SELENOK: variants seen among roughly 807,000 people sequenced by gnomAD.
SELENOK encodes the protein selenoprotein K.
Under a neutral mutation model 17.3 loss-of-function variants are expected in SELENOK, and 11 were observed. The ratio of observed to expected loss-of-function variants is 0.63; its 90% CI spans 0.40 to 1.05. The LOEUF (loss-of-function observed/expected upper bound fraction) is 1.05, where lower values mean the gene tolerates loss of function less well. SELENOK is among the 50% of genes least tolerant of loss of function. The probability of loss-of-function intolerance (pLI) is 0.00; values close to 1 mark genes in which losing one functional copy is unlikely to be tolerated. For synonymous variants in SELENOK, 45 were observed against 35.4 expected, an observed-to-expected ratio of 1.27 and a Z score of -0.97; for missense variants, 125 against 113.9, an observed-to-expected ratio of 1.10 and a Z score of -0.44.
chr3:53,885,543 T>G lies in SELENOK; in HGVS notation c.*15A>C. On this transcript the variant is annotated 3_prime_UTR_variant, in exon 5 of 5. Coordinates refer to ENST00000495461, the MANE Select transcript of SELENOK (RefSeq NM_021237.5). ...GAATGCGCATGTCCGGTTGTCTGCT[T>G]CTTAGAGCAGACATTTACCTGAAAG... The G allele has an allele frequency of 6.2e-7, 1 of 1,608,932 alleles. No homozygotes were observed. The highest frequency in any genetic ancestry group is 8.5e-7 in the Non-Finnish European group (1 of 1,178,004).
Position 53,885,393 on chromosome 3 carries a change from G to C in SELENOK, c.*165C>G. On this transcript the variant is annotated 3_prime_UTR_variant, in exon 5 of 5. Coordinates refer to ENST00000495461, the MANE Select transcript of SELENOK (RefSeq NM_021237.5). ...ATGTCAGTCAGGCCAGTTCCCTGCA[G>C]AGGGAATTCCCAGCATGACCTCATT... The C allele has an allele frequency of 1.5e-6, 1 of 658,408 alleles. No homozygotes were observed. Among genetic ancestry groups the C allele is most frequent in the Non-Finnish European group, 2.6e-6 (1 of 381,910 alleles). The allele number at this position is 658,408 out of a possible 1,614,324, so 40.8% of individuals were successfully genotyped here.
In SELENOK at chr3:53,885,834, T is replaced by C. The variant is rs1033480454; in HGVS notation, c.273A>G (p.Gly91=). The C allele has an allele frequency of 4.4e-6, 7 of 1,585,860 alleles. No individual in the cohort carries two copies. Among genetic ancestry groups the C allele is most frequent in the Non-Finnish European group, 6.0e-6 (7 of 1,164,760 alleles). ...TTCAGATCTGAAGTTACCTTCCTCA[T>C]CCACCAGCCATTGGAGGGGGACTAG... The part of the protein sequence containing the change: ...RGPSPPPMAG[G]UGR The change falls in exon 4 of 5, where the codon GGA becomes GGG. Residue 91 remains glycine (G), a synonymous_variant. Coordinates refer to ENST00000495461, the MANE Select transcript of SELENOK (RefSeq NM_021237.5).
chr3:53,888,508 T>G (rs756465009), intron 1 of SELENOK, 25 bp from the exon 2 acceptor site: 1 of 1,494,596 alleles, frequency 6.7e-7, no homozygotes, highest in South Asian at 1.1e-5. Context: ...TAAAGAAACT[T>G]TAGTGAGTGC....
intron 1 of SELENOK, among the ~76,000 whole-genome samples, chr3:53,889,568 A>C (rs781410881): frequency 6.6e-6 from 1 of 152,228 alleles, no homozygotes; most frequent in Non-Finnish European, 1.5e-5. Context: ...TGCTGCTATC[A>C]ACATGGGTGT....
intron 1 of SELENOK, 108 bp downstream of exon 1, chr3:53,891,662 G>A: frequency 6.9e-7 from 1 of 1,452,868 alleles, no homozygotes; most frequent in Non-Finnish European, 9.6e-7. Context: ...GGGGCGCTAA[G>A]CCCGGGGAAG....
At chr3:53,886,381 C>T (rs764823486) in intron 3 of SELENOK, among the ~76,000 whole-genome samples, 8 of 152,096 alleles carry the variant, frequency 5.3e-5, no homozygotes, top group South Asian at 2.1e-4. Context: ...GGACTACAGG[C>T]GCATACCACC....
intron 3 of SELENOK, 99 bp from the exon 4 acceptor site, chr3:53,886,011 C>G: frequency 1.3e-6 from 1 of 765,678 alleles, no homozygotes; most frequent in Non-Finnish European, 2.0e-6. Flanking sequence ...TTTCAGCACC[C>G]ACATGACCCT....
At chr3:53,891,188 G>C (rs1293663339) in intron 1 of SELENOK, 1 of 152,430 alleles carries the variant, frequency 6.6e-6, no homozygotes, top group Non-Finnish European at 1.5e-5. Flanking sequence ...TCCTAGGTCG[G>C]CTCGGTCTTT....
At chr3:53,890,465 A>G (rs1700159454) in intron 1 of SELENOK, among the ~76,000 whole-genome samples, 1 of 152,200 alleles carries the variant, frequency 6.6e-6, no homozygotes, top group Non-Finnish European at 1.5e-5. Flanking sequence ...GAGAGAAGTA[A>G]GGTGTTTGAA....
rs1052295684 is a variant in SELENOK, at chr3:53,884,569, G to C, written c.*989C>G. 1.3e-5 allele frequency: 2 copies of C among 152,230 alleles called. No homozygotes were observed. The highest frequency in any genetic ancestry group is 2.9e-5 in the Non-Finnish European group (2 of 68,050). 9.4% of individuals were successfully genotyped at this position (152,230 alleles called of 1,614,324 possible). ...AGAATGTGAAAGTTATCAGTATTCA[G>C]ATGGAGTTTAAAGCCAATAGGCAGT... On this transcript the variant is annotated 3_prime_UTR_variant, in exon 5 of 5. Coordinates refer to ENST00000495461, the MANE Select transcript of SELENOK (RefSeq NM_021237.5).
At chr3:53,888,679 T>G (rs1364531814) in intron 1 of SELENOK, among the ~76,000 whole-genome samples, 196 bp from the exon 2 acceptor site, 1 of 152,232 alleles carries the variant, frequency 6.6e-6, no homozygotes, top group Non-Finnish European at 1.5e-5. Context: ...TCTAGGGACA[T>G]TCCTCCAGTA....
intron 2 of SELENOK, among the ~76,000 whole-genome samples, chr3:53,887,259 C>A (rs1232688058): frequency 6.6e-6 from 1 of 152,188 alleles, no homozygotes; most frequent in East Asian, 1.9e-4. Flanking sequence ...GCTCATTTCC[C>A]CTGCAAAAGT....
intron 2 of SELENOK, 108 bp downstream of exon 2, chr3:53,888,285 A>T (rs953117404): frequency 1.4e-6 from 1 of 732,068 alleles, no homozygotes; most frequent in African/African-American, 1.8e-5. Flanking sequence ...ATTGCAATAG[A>T]AAACTGTTTC....
intron 3 of SELENOK, 109 bp from the exon 4 acceptor site, chr3:53,886,021 TA>T (rs1700123294): frequency 1.4e-6 from 1 of 694,306 alleles, no homozygotes; most frequent in Non-Finnish European, 2.3e-6. Flanking sequence ...CACATGACCC[TA>T]AAACACAATT....
intron 3 of SELENOK, 34 bp from the exon 4 acceptor site, chr3:53,885,946 A>G (rs1426547382): frequency 7.3e-7 from 1 of 1,367,706 alleles, no homozygotes; most frequent in African/African-American, 1.5e-5. Context: ...CTACTGTTTG[A>G]TAGACACAAC....
Position 53,888,425 on chromosome 3 carries a change from G to C in SELENOK, c.78C>G (p.Phe26Leu), listed in dbSNP as rs1335118450. The change falls in exon 2 of 5, where the codon TTC (phenylalanine) becomes TTG (leucine). Residue 26 changes from phenylalanine (F) to leucine (L), a missense_variant. By Grantham distance (22) the Phe-to-Leu change is conservative. Coordinates refer to ENST00000495461, the MANE Select transcript of SELENOK (RefSeq NM_021237.5). ...CCACAAACTCAGCTATTCCCCAGAA[G>C]AAATCTGTTATCAAAGATAATCTCC... is the stretch of plus-strand genomic sequence containing the variant. Reference protein sequence around the residue: ...SPWRLSLITDFFWGIAEFVVL... With the variant: ...SPWRLSLITDLFWGIAEFVVL... 1.2e-6 allele frequency: 2 copies of C among 1,612,560 alleles called. No individual in the cohort carries two copies. Among genetic ancestry groups the C allele is most frequent in the South Asian group, 2.2e-5 (2 of 91,070 alleles).
intron 3 of SELENOK, 81 bp downstream of exon 3, chr3:53,886,770 G>C: frequency 1.2e-6 from 1 of 811,876 alleles, no homozygotes. Flanking sequence ...ATTTCCAAAA[G>C]TCTAACTCTA....
chr3:53,884,894 G>T lies in SELENOK; in HGVS notation c.*664C>A, dbSNP rs2107086868. Reference sequence around the variant, plus strand: ...TCTGCCCGCCTCAGCCTCCCACAGTGCTGGGATTACAGGCATGAGCCACCG... The same window carrying T: ...TCTGCCCGCCTCAGCCTCCCACAGTTCTGGGATTACAGGCATGAGCCACCG... On this transcript the variant is annotated 3_prime_UTR_variant, in exon 5 of 5. Transcript: ENST00000495461. 6.6e-6 allele frequency: 1 copy of T among 152,354 alleles called. No individual in the cohort carries two copies. Among genetic ancestry groups the T allele is most frequent in the South Asian group, 2.1e-4 (1 of 4,832 alleles). The allele number at this position is 152,354 out of a possible 1,614,324, so 9.4% of individuals were successfully genotyped here. A position where few individuals can be genotyped will look rare whatever the true frequency, so the allele number is the denominator to read the frequency against.
intron 3 of SELENOK, 81 bp downstream of exon 3, chr3:53,886,770 G>A (rs1700129970): frequency 2.5e-6 from 2 of 811,762 alleles, no homozygotes; most frequent in Non-Finnish European, 3.7e-6. Flanking sequence ...ATTTCCAAAA[G>A]TCTAACTCTA....
Sources: allele counts gnomAD v4.1 joint callset (sites outside exome capture counted in the v4.1 genomes callset), GRCh38; gene constraint gnomAD v4.1.1; transcripts MANE v1.5; gene names NCBI Gene and HGNC (gene_info 2026-07-23, HGNC 2026-07-21).